CACNA1S: variants seen among roughly 807,000 people sequenced by gnomAD.
CACNA1S encodes voltage-dependent L-type calcium channel subunit alpha-1S.
A neutral mutation model predicts 207.4 loss-of-function variants in CACNA1S; 126 were observed. The ratio of observed to expected loss-of-function variants is 0.61; its 90% CI spans 0.53 to 0.70. The LOEUF is 0.70. Among genes scored for constraint, CACNA1S ranks in the 30% least tolerant of loss-of-function variants. The pLI, the probability that CACNA1S is intolerant of heterozygous loss-of-function variation, is 0.00. For synonymous variants in CACNA1S, 960 were observed against 932.7 expected (o/e 1.03, Z -0.53); for missense variants, 2,349 against 2,422.8 (o/e 0.97, Z 0.64).
At chr1:201,046,963 C>T (rs1660490428) in intron 38 of CACNA1S, 152 bp downstream of exon 38, 2 of 1,075,624 alleles carry the variant, frequency 1.9e-6, no homozygotes, top group Admixed American at 3.6e-5. Flanking sequence ...ATGGACTACC[C>T]AGAACTGTCT....
intron 10 of CACNA1S, among the ~76,000 whole-genome samples, chr1:201,082,328 C>T (rs1004610589): frequency 9.5e-5 from 13 of 136,398 alleles, no homozygotes; most frequent in African/African-American, 3.3e-4. Flanking sequence ...CGCCCGGCCT[C>T]AGGTATTTTT....
intron 2 of CACNA1S, among the ~76,000 whole-genome samples, chr1:201,098,015 A>G (rs1662501427): frequency 6.6e-6 from 1 of 151,636 alleles, no homozygotes; most frequent in African/African-American, 2.4e-5. Context: ...CCTGGCTCTC[A>G]CCCCCCAACT....
chr1:201,074,355 C>G, intron 14 of CACNA1S, 151 bp downstream of exon 14: 1 of 691,642 alleles, frequency 1.4e-6, no homozygotes, highest in Non-Finnish European at 2.7e-6. Flanking sequence ...CAGCCACCCC[C>G]ATGTGCAGGT....
chr1:201,078,990 A>G (rs1183542716), intron 10 of CACNA1S, among the ~76,000 whole-genome samples: 2 of 151,752 alleles, frequency 1.3e-5, no homozygotes, highest in Non-Finnish European at 2.9e-5. Flanking sequence ...GTGTGGTGGC[A>G]TGAGCCTGTA....
At chr1:201,095,120 A>G (rs1662370873) in intron 2 of CACNA1S, among the ~76,000 whole-genome samples, 2 of 72,716 alleles carry the variant, frequency 2.8e-5, no homozygotes, top group Admixed American at 3.0e-4. Context: ...CAGCTCCAGG[A>G]GGTGTGTGTG....
Position 201,072,681 on chromosome 1 carries a change from G to C in CACNA1S, c.2227+74C>G, listed in dbSNP as rs142499855. 265 of 1,078,290 alleles carry C rather than the reference G, an allele frequency of 2.5e-4. 3 individuals are homozygous for C. The African/African-American group carries it at 2.6e-3, about 11-fold the overall frequency. The allele number at this position is 1,078,290 out of a possible 1,614,324, so 66.8% of individuals were successfully genotyped here. ...TAGGGACACACAAGAGACTGCCCAT[G>C]GGGAGAATTCAGGACCGGCACACCC... On this transcript the variant is annotated intron_variant, in intron 16 of 43. Transcript: ENST00000362061.
In CACNA1S at chr1:201,039,830, A is replaced by T. The variant is rs1319660898; in HGVS notation, c.*1T>A. Reference sequence around the variant, plus strand: ...AAGCCCATGCTGATGCTGTGTGGGCATCACAGCCTTGGAGGAATAAGGGTC... The same window carrying T: ...AAGCCCATGCTGATGCTGTGTGGGCTTCACAGCCTTGGAGGAATAAGGGTC... On this transcript the variant is annotated 3_prime_UTR_variant, in exon 44 of 44. Coordinates refer to ENST00000362061, the MANE Select transcript of CACNA1S (RefSeq NM_000069.3). 2.5e-6 allele frequency: 4 copies of T among 1,603,452 alleles called. No individual in the cohort carries two copies. Among genetic ancestry groups the T allele is most frequent in the Admixed American group, 1.7e-5 (1 of 60,036 alleles).
chr1:201,075,453 C>G (rs372326950), intron 13 of CACNA1S, 42 bp downstream of exon 13: 4 of 1,591,232 alleles, frequency 2.5e-6, no homozygotes, highest in African/African-American at 2.7e-5. Context: ...TCCCCCACCC[C>G]CTCCCTAAGC....
intron 36 of CACNA1S, among the ~76,000 whole-genome samples, chr1:201,048,005 C>T (rs776773969): frequency 6.6e-6 from 1 of 152,238 alleles, no homozygotes; most frequent in Non-Finnish European, 1.5e-5. Flanking sequence ...TGGTCTTCCT[C>T]ATCTTGCCCT....
chr1:201,041,888 G>A, intron 40 of CACNA1S: 1 of 468,852 alleles, frequency 2.1e-6, no homozygotes, highest in Non-Finnish European at 3.9e-6. Flanking sequence ...TTGGAACCCT[G>A]CTTCTCCATC....
chr1:201,083,347 C>T lies in CACNA1S; in HGVS notation c.1233-25G>A, dbSNP rs1661911815. On this transcript the variant is annotated intron_variant, in intron 9 of 43. Coordinates refer to ENST00000362061, the MANE Select transcript of CACNA1S (RefSeq NM_000069.3). The stretch of plus-strand genomic sequence containing the variant: ...GCTGAGGGAGGGGACAGAGGATGGT[C>T]TACAGTGCTGTGCTGTTCTACGCCC... 5.0e-6 allele frequency: 8 copies of T among 1,613,540 alleles called. No individual in the cohort carries two copies. The East Asian group carries it at 8.9e-5, about 18-fold the overall frequency.
chr1:201,066,357 T>C lies in CACNA1S; in HGVS notation c.2658-41A>G. On this transcript the variant is annotated intron_variant, in intron 20 of 43. Coordinates refer to ENST00000362061, the MANE Select transcript of CACNA1S (RefSeq NM_000069.3). The surrounding 1 kb of genome is among the most constrained non-coding windows in gnomAD (Gnocchi z 4.3). ...GGTGAGGGGGCTGAGGGCAGCCTGC[T>C]CCAGCCAGCCCAGTCTGCGGTGGAG... 1 of 1,558,634 alleles carries C rather than the reference T, an allele frequency of 6.4e-7. No individual in the cohort carries two copies. The highest frequency in any genetic ancestry group is 8.8e-7 in the Non-Finnish European group (1 of 1,139,934).
At chr1:201,065,811 G>C in intron 22 of CACNA1S, 27 bp downstream of exon 22, 3 of 1,534,264 alleles carry the variant, frequency 2.0e-6, no homozygotes, top group Non-Finnish European at 2.7e-6. Context: ...GCGGGAGGGG[G>C]AGCTGCTCGC....
At chr1:201,069,681 G>T in intron 17 of CACNA1S, 80 bp from the exon 18 acceptor site, 2 of 1,504,302 alleles carry the variant, frequency 1.3e-6, no homozygotes, top group Non-Finnish European at 1.8e-6. Context: ...TCCTGCGGAC[G>T]AACATGGAAT....
intron 38 of CACNA1S, 148 bp from the exon 39 acceptor site, chr1:201,044,604 G>A (rs545710547): frequency 3.0e-4 from 256 of 857,136 alleles, no homozygotes; most frequent in Admixed American, 3.6e-4. Flanking sequence ...TCTGCTTCCC[G>A]GGTTCAAGTG....
chr1:201,047,857 G>A (rs1035576568), intron 36 of CACNA1S, among the ~76,000 whole-genome samples: 12 of 152,248 alleles, frequency 7.9e-5, no homozygotes, highest in African/African-American at 2.9e-4. Context: ...TTGGCTTCCA[G>A]TGCCCAGAGT....
intron 3 of CACNA1S, among the ~76,000 whole-genome samples, chr1:201,092,528 C>A (rs1032318760): frequency 2.0e-5 from 3 of 152,200 alleles, no homozygotes; most frequent in African/African-American, 4.8e-5. Context: ...CCTGGCTGCA[C>A]TTTTTGATAA....
intron 2 of CACNA1S, among the ~76,000 whole-genome samples, chr1:201,103,314 G>A (rs935541281): frequency 1.3e-5 from 2 of 152,126 alleles, no homozygotes; most frequent in African/African-American, 4.8e-5. Flanking sequence ...GAGGTTCAGA[G>A]AGTTTAGGAA....
intron 38 of CACNA1S, among the ~76,000 whole-genome samples, chr1:201,046,782 C>T (rs1275058025): frequency 6.6e-6 from 1 of 151,818 alleles, no homozygotes; most frequent in African/African-American, 2.4e-5. Flanking sequence ...AACCTGCCAA[C>T]CTTGGCCTCC....
Sources: allele counts gnomAD v4.1 joint callset (sites outside exome capture counted in the v4.1 genomes callset), GRCh38; gene constraint gnomAD v4.1.1; non-coding constraint Gnocchi (gnomAD v3.1); transcripts MANE v1.5; gene names NCBI Gene and HGNC (gene_info 2026-07-23, HGNC 2026-07-21).